Variants in EXD3 observed in about 807,000 individuals in gnomAD.
EXD3 encodes the protein exonuclease mut-7 homolog.
A neutral mutation model predicts 98.0 loss-of-function variants in EXD3; 92 were observed. The observed-to-expected ratio is 0.94, with a 90% CI of 0.79 to 1.12. EXD3 has a LOEUF of 1.12. EXD3 is among the 50% of genes most tolerant of loss of function. EXD3 has a pLI of 0.00. For synonymous variants in EXD3, 569 were observed against 526.0 expected, an observed-to-expected ratio of 1.08 and a Z score of -1.12; for missense variants, 1,222 against 1,191.6, an observed-to-expected ratio of 1.03 and a Z score of -0.38.
In EXD3 at chr9:137,353,980, G is replaced by T. The variant is rs930275004; in HGVS notation, c.870+359C>A. 4.1e-5 allele frequency: 45 copies of T among 1,102,162 alleles called. No homozygotes were observed. In the South Asian group the frequency reaches 7.5e-4, roughly 18 times the overall value. The allele number at this position is 1,102,162 out of a possible 1,614,324, so 68.3% of individuals were successfully genotyped here. ...CTCTGCGCTGGCACCGGGCTGGGGG[G>T]GCCTGGCCTTCCTCCTTCCGGCCTC... On this transcript the variant is annotated intron_variant, in intron 10 of 21. Coordinates refer to ENST00000340951, the MANE Select transcript of EXD3 (RefSeq NM_017820.5).
intron 2 of EXD3, among the ~76,000 whole-genome samples, chr9:137,391,462 C>T (rs1054096039): frequency 3.3e-5 from 5 of 152,216 alleles, no homozygotes; most frequent in African/African-American, 7.2e-5. Flanking sequence ...TCCCATTGTC[C>T]GGAGCCCAGC....
intron 1 of EXD3, among the ~76,000 whole-genome samples, chr9:137,398,592 G>A (rs985093030): frequency 3.6e-4 from 52 of 143,136 alleles, no homozygotes; most frequent in Non-Finnish European, 6.5e-4. Flanking sequence ...ACAGGCAACC[G>A]CGTCCCCAAG....
intron 17 of EXD3, among the ~76,000 whole-genome samples, chr9:137,328,071 CTAACATACTCCCATAT>C (rs1832566471): frequency 6.9e-6 from 1 of 145,310 alleles, no homozygotes; most frequent in African/African-American, 2.5e-5. Context: ...GTAAAAACAA[CTAACATACTCCCATAT>C]GATGAGTAAA....
At position 137,318,470 on chromosome 9, in the gene EXD3, A is replaced by G. The variant is rs900720726; in HGVS notation, c.2184+5255T>C. On this transcript the variant is annotated intron_variant, in intron 19 of 21. Coordinates refer to ENST00000340951, the MANE Select transcript of EXD3 (RefSeq NM_017820.5). ...CGTGGGGGCTGCAGCCCGCTCCTCA[A>G]CCATGCTGGGGGGGTGGGGACTGGG... Among the ~76,000 whole-genome samples, 3 of 147,508 alleles carry G rather than the reference A, an allele frequency of 2.0e-5. No homozygotes were observed. In the South Asian group the frequency reaches 6.9e-4, roughly 34 times the overall value.
chr9:137,355,498 A>ACCTAGAAACACTGCAAAATCC (rs1564508308), intron 8 of EXD3, among the ~76,000 whole-genome samples: 2 of 94,282 alleles, frequency 2.1e-5, no homozygotes, highest in Non-Finnish European at 4.4e-5. Flanking sequence ...AGGATGGAGG[A>ACCTAGAAACACTGCAAAATCC]AGGAGGAAGG....
At chr9:137,377,139 T>C (rs1405640450) in intron 3 of EXD3, 1 of 151,454 alleles carries the variant, frequency 6.6e-6, no homozygotes, top group Non-Finnish European at 1.5e-5. Flanking sequence ...ACACAGAGAG[T>C]CGGTGGGCAA....
At chr9:137,408,294 A>G (rs977239223) in intron 1 of EXD3, among the ~76,000 whole-genome samples, 3 of 151,940 alleles carry the variant, frequency 2.0e-5, no homozygotes, top group Non-Finnish European at 2.9e-5. Context: ...CACGCCTGTA[A>G]TCCCAGCACT....
intron 2 of EXD3, 88 bp from the exon 3 acceptor site, chr9:137,383,465 G>T: frequency 9.9e-7 from 1 of 1,011,484 alleles, no homozygotes; most frequent in Non-Finnish European, 1.4e-6. Context: ...CCACTGACCC[G>T]CAATGCCTGG....
intron 20 of EXD3, among the ~76,000 whole-genome samples, chr9:137,308,793 C>T (rs1284120178): frequency 6.6e-6 from 1 of 152,072 alleles, no homozygotes; most frequent in Non-Finnish European, 1.5e-5. Context: ...TGTGCCACCA[C>T]ACCCGGCTAA....
intron 17 of EXD3, among the ~76,000 whole-genome samples, chr9:137,341,092 G>A (rs1382378192): frequency 6.6e-6 from 1 of 152,192 alleles, no homozygotes; most frequent in Non-Finnish European, 1.5e-5. Flanking sequence ...GAAGCAGGAG[G>A]GTCGCTCGAG....
At chr9:137,401,370 T>C (rs1564210775) in intron 1 of EXD3, among the ~76,000 whole-genome samples, 1 of 152,076 alleles carries the variant, frequency 6.6e-6, no homozygotes, top group Non-Finnish European at 1.5e-5. Flanking sequence ...TTAGCCAGGA[T>C]GGTCTTGATC....
chr9:137,381,790 G>A (rs1255879112), intron 3 of EXD3, among the ~76,000 whole-genome samples: 3 of 152,214 alleles, frequency 2.0e-5, no homozygotes, highest in Admixed American at 6.5e-5. Flanking sequence ...ATGTGCAGCC[G>A]GCTCTAGGGT....
chr9:137,351,036 A>G lies in EXD3; in HGVS notation c.1494+2T>C. ...CTTGTGAGCGGCTCAGTGGGTGCCC[A>G]CCTGTCTGTGCACCAGCAGCAGGTC... is the stretch of plus-strand genomic sequence containing the variant. On this transcript the variant is annotated splice_donor_variant, in intron 14 of 21. Coordinates refer to ENST00000340951, the MANE Select transcript of EXD3 (RefSeq NM_017820.5). LOFTEE classifies it high-confidence loss of function. 2 of 1,556,350 alleles carry G rather than the reference A, an allele frequency of 1.3e-6. No homozygotes were observed. Among genetic ancestry groups the G allele is most frequent in the Non-Finnish European group, 8.7e-7 (1 of 1,150,624 alleles).
intron 5 of EXD3, 69 bp downstream of exon 5, chr9:137,372,836 C>T (rs751900444): frequency 4.8e-5 from 73 of 1,522,044 alleles, no homozygotes; most frequent in Non-Finnish European, 5.6e-5. Context: ...CGGCCCTGAG[C>T]CAGGCGCGTC....
At chr9:137,422,574 C>T (rs1490759047) in intron 1 of EXD3, among the ~76,000 whole-genome samples, 2 of 152,206 alleles carry the variant, frequency 1.3e-5, no homozygotes, top group Non-Finnish European at 2.9e-5. Flanking sequence ...CACCTGGTGA[C>T]CCAGGCCGCC....
intron 2 of EXD3, among the ~76,000 whole-genome samples, chr9:137,387,407 T>C (rs1024853018): frequency 2.6e-5 from 4 of 152,114 alleles, no homozygotes; most frequent in Non-Finnish European, 4.4e-5. Context: ...GAGGGACCCA[T>C]GGCAGGTGTG....
chr9:137,410,308 A>T (rs1837930903), intron 1 of EXD3, among the ~76,000 whole-genome samples: 1 of 151,854 alleles, frequency 6.6e-6, no homozygotes, highest in South Asian at 2.1e-4. Flanking sequence ...AACATGGTGA[A>T]ATCCCGTCTC....
At chr9:137,380,799 A>C (rs892243952) in intron 3 of EXD3, among the ~76,000 whole-genome samples, 14 of 146,164 alleles carry the variant, frequency 9.6e-5, no homozygotes, top group African/African-American at 3.6e-4. Context: ...CAGCAGCACC[A>C]GAAGGCCCCC....
At chr9:137,404,558 C>CA (rs930620247) in intron 1 of EXD3, among the ~76,000 whole-genome samples, 28 of 151,896 alleles carry the variant, frequency 1.8e-4, no homozygotes, top group East Asian at 5.8e-4. Flanking sequence ...AAAAATCATG[C>CA]AAAAAAAATC....
Sources: allele counts gnomAD v4.1 joint callset (sites outside exome capture counted in the v4.1 genomes callset), GRCh38; gene constraint gnomAD v4.1.1; transcripts MANE v1.5; gene names NCBI Gene and HGNC (gene_info 2026-07-23, HGNC 2026-07-21).